The following LRRC4C variants were observed in gnomAD, a reference collection of about 807,000 sequenced individuals.
LRRC4C encodes the protein leucine rich repeat containing 4C.
Under a neutral mutation model 33.6 loss-of-function variants are expected in LRRC4C, and 5 were observed. The observed-to-expected ratio is 0.15, with a 90% CI of 0.08 to 0.31. The LOEUF is 0.31. Ranked by LOEUF, LRRC4C falls within the 10% of genes least tolerant of loss-of-function variation. LRRC4C has a pLI of 1.00. For synonymous variants in LRRC4C, 329 were observed against 302.0 expected, an observed-to-expected ratio of 1.09 and a Z score of -0.93; for missense variants, 560 against 796.7, an observed-to-expected ratio of 0.70 and a Z score of 3.58.
chr11:41,006,638 T>C (rs1297426478), intron 1 of LRRC4C, among the ~76,000 whole-genome samples: 1 of 151,906 alleles, frequency 6.6e-6, no homozygotes, highest in Admixed American at 6.6e-5. Flanking sequence ...AATAGAAATA[T>C]TGTCCCATGT....
chr11:40,245,215 A>C (rs1432768009), intron 4 of LRRC4C, among the ~76,000 whole-genome samples: 1 of 152,126 alleles, frequency 6.6e-6, no homozygotes, highest in African/African-American at 2.4e-5. Context: ...ATTCTCACCC[A>C]AGTCAAAGTT....
At position 40,259,629 on chromosome 11, in the gene LRRC4C, C is replaced by T. The variant is rs371925612; in HGVS notation, c.-175-18031G>A. On this transcript the variant is annotated intron_variant, in intron 4 of 6. Coordinates refer to ENST00000528697, the MANE Select transcript of LRRC4C (RefSeq NM_001258419.2). ...GGATCCAGTTTCAGCTTTCTACATA[C>T]GGCTAGCCAGTTTTCCCATCACCAT... Among the ~76,000 whole-genome samples, 322 of 152,248 alleles carry T rather than the reference C, an allele frequency of 2.1e-3. 1 individual carries two copies. Among genetic ancestry groups the T allele is most frequent in the South Asian group, 8.3e-3 (40 of 4,828 alleles).
intron 1 of LRRC4C, among the ~76,000 whole-genome samples, chr11:41,430,099 G>C (rs895476609): frequency 3.3e-5 from 5 of 152,160 alleles, no homozygotes; most frequent in Non-Finnish European, 7.4e-5. Flanking sequence ...CCAGTTCTAC[G>C]GGTACTAACA....
At chr11:41,418,427 G>A (rs547565633) in intron 1 of LRRC4C, among the ~76,000 whole-genome samples, 206 of 152,040 alleles carry the variant, frequency 1.4e-3, no homozygotes, top group African/African-American at 4.7e-3. Flanking sequence ...GCATTTCCTC[G>A]AGGAATTAAC....
chr11:41,263,035 C>T (rs967277560), intron 1 of LRRC4C, among the ~76,000 whole-genome samples: 1 of 152,246 alleles, frequency 6.6e-6, no homozygotes. Context: ...ACAACGACAA[C>T]AAGCTACCAT....
chr11:40,650,618 A>G (rs565472885), intron 2 of LRRC4C, among the ~76,000 whole-genome samples: 1 of 152,302 alleles, frequency 6.6e-6, no homozygotes, highest in South Asian at 2.1e-4. Flanking sequence ...AAATTTTGTT[A>G]TTTGACATCA....
intron 1 of LRRC4C, among the ~76,000 whole-genome samples, chr11:40,958,761 CT>C (rs1489475211): frequency 1.3e-5 from 2 of 151,630 alleles, no homozygotes; most frequent in Non-Finnish European, 3.0e-5. Flanking sequence ...ATCTTGAATT[CT>C]TGCTTTATAG....
chr11:40,523,048 C>G (rs57224234), intron 3 of LRRC4C, among the ~76,000 whole-genome samples: 9,829 of 152,134 alleles, frequency 0.065, 830 homozygotes, highest in African/African-American at 0.2. Context: ...CAATTATTTT[C>G]GTTGCATACT....
intron 1 of LRRC4C, among the ~76,000 whole-genome samples, chr11:41,448,112 G>GCACA (rs2138610531): frequency 2.2e-5 from 1 of 45,388 alleles, no homozygotes; most frequent in African/African-American, 5.8e-5. Flanking sequence ...CGAGGCTGCT[G>GCACA]CACACGTCTG....
intron 1 of LRRC4C, among the ~76,000 whole-genome samples, chr11:41,169,531 A>G (rs1031100445): frequency 6.6e-6 from 1 of 152,166 alleles, no homozygotes; most frequent in African/African-American, 2.4e-5. Context: ...GGATTATATC[A>G]TAGAGAATCC....
chr11:40,848,975 TC>T, intron 2 of LRRC4C, among the ~76,000 whole-genome samples: 1 of 152,302 alleles, frequency 6.6e-6, no homozygotes, highest in East Asian at 1.9e-4. Flanking sequence ...AACCCCTGCT[TC>T]TTTTTGCTTT....
Position 40,115,761 on chromosome 11 carries a change from C to G in LRRC4C, c.532G>C (p.Asp178His). ...FNRIPSLRRLDLGELKRLSYI... is the reference protein window; with the variant it reads ...FNRIPSLRRLHLGELKRLSYI... ...GAAAGTCTTTTCAATTCCCCTAAGT[C>G]TAGTCGGCGCAAAGAAGGAATTCTG... The change falls in exon 7 of 7, where the codon GAC (aspartate) becomes CAC (histidine). Residue 178 changes from aspartate to histidine, a missense_variant. Around this residue, in one of 3 missense-constraint regions of LRRC4C, gnomAD observed 455 missense variants for 643.8 expected, o/e 0.71. Coordinates refer to ENST00000528697, the MANE Select transcript of LRRC4C (RefSeq NM_001258419.2). The surrounding 1 kb of genome is among the most constrained non-coding windows in gnomAD (Gnocchi z 6.7). 6.2e-7 allele frequency: 1 copy of G among 1,614,126 alleles called. No individual in the cohort carries two copies. Among genetic ancestry groups the G allele is most frequent in the Non-Finnish European group, 8.5e-7 (1 of 1,180,022 alleles).
chr11:41,210,317 C>T (rs567892929), intron 1 of LRRC4C, among the ~76,000 whole-genome samples: 7 of 152,168 alleles, frequency 4.6e-5, no homozygotes, highest in African/African-American at 1.2e-4. Flanking sequence ...ATCATGGGGG[C>T]GGTTTTCCCC....
intron 2 of LRRC4C, among the ~76,000 whole-genome samples, chr11:40,861,235 T>C (rs1954082673): frequency 6.6e-6 from 1 of 152,044 alleles, no homozygotes; most frequent in Admixed American, 6.5e-5. Context: ...GTAGAATAAA[T>C]TTTGAGATCC....
chr11:40,817,060 T>C (rs1242944971), intron 2 of LRRC4C, among the ~76,000 whole-genome samples: 1 of 152,164 alleles, frequency 6.6e-6, no homozygotes, highest in Non-Finnish European at 1.5e-5. Flanking sequence ...TAATGACAGC[T>C]GTCTCTGTTC....
chr11:40,523,941 G>T (rs1955931851), intron 3 of LRRC4C, among the ~76,000 whole-genome samples: 1 of 152,090 alleles, frequency 6.6e-6, no homozygotes, highest in African/African-American at 2.4e-5. Context: ...TCTAGATTTT[G>T]GGGGATGTAG....
At chr11:40,310,799 T>G (rs1945267884) in intron 4 of LRRC4C, among the ~76,000 whole-genome samples, 1 of 152,356 alleles carries the variant, frequency 6.6e-6, no homozygotes, top group African/African-American at 2.4e-5. Context: ...GACTTTGGTT[T>G]ACTTTATTTA....
chr11:41,276,523 A>G (rs1224160854), intron 1 of LRRC4C, among the ~76,000 whole-genome samples: 4 of 152,312 alleles, frequency 2.6e-5, no homozygotes, highest in South Asian at 4.1e-4. Context: ...TTCTTGGCAC[A>G]TATCATTTAA....
At chr11:40,954,793 A>G (rs1453897143) in intron 1 of LRRC4C, among the ~76,000 whole-genome samples, 1 of 151,604 alleles carries the variant, frequency 6.6e-6, no homozygotes, top group African/African-American at 2.4e-5. Flanking sequence ...ACCATTTGCA[A>G]TTTCTTCTCT....
Sources: gnomAD v4.1 joint callset for allele counts (sites outside exome capture counted in the v4.1 genomes callset) on GRCh38, gnomAD v4.1.1 for gene constraint, gnomAD v4.1.1 regional missense constraint, Gnocchi (gnomAD v3.1) non-coding constraint, MANE v1.5 for transcripts, NCBI Gene and HGNC (gene_info 2026-07-23, HGNC 2026-07-21) for gene names.